The following PAPOLA variants were observed in gnomAD, a reference collection of about 807,000 sequenced individuals.
PAPOLA encodes polynucleotide adenylyltransferase alpha.
A neutral mutation model predicts 100.6 loss-of-function variants in PAPOLA; 15 were observed. The observed-to-expected ratio is 0.15, with a 90% CI of 0.10 to 0.23. The LOEUF (loss-of-function observed/expected upper bound fraction) is 0.23, where lower values mean the gene tolerates loss of function less well. PAPOLA is among the 10% of genes least tolerant of loss of function. The pLI, the probability that PAPOLA is intolerant of heterozygous loss-of-function variation, is 1.00. For missense variants in PAPOLA, 533 were observed against 884.2 expected, an observed-to-expected ratio of 0.60 and a Z score of 5.04; for synonymous variants, 293 against 300.0, an observed-to-expected ratio of 0.98 and a Z score of 0.24.
chr14:96,514,037 T>C (rs2077579068), intron 1 of PAPOLA, among the ~76,000 whole-genome samples: 1 of 152,210 alleles, frequency 6.6e-6, no homozygotes, highest in Non-Finnish European at 1.5e-5. Context: ...TCAAAGCCAT[T>C]TGAGTATTTC....
At chr14:96,547,760 T>A in intron 15 of PAPOLA, 37 bp from the exon 16 acceptor site, 1 of 1,532,968 alleles carries the variant, frequency 6.5e-7, no homozygotes, top group Non-Finnish European at 8.9e-7. Flanking sequence ...TTTATTAAAA[T>A]GTTTCTATTT....
intron 15 of PAPOLA, among the ~76,000 whole-genome samples, chr14:96,545,584 T>TC (rs1209805295): frequency 2.0e-5 from 3 of 152,090 alleles, no homozygotes; most frequent in Non-Finnish European, 4.4e-5. Flanking sequence ...TTTTAAATAC[T>TC]CCATTTTTTA....
At chr14:96,534,323 G>C (rs1899332114) in intron 9 of PAPOLA, 168 bp from the exon 10 acceptor site, 3 of 1,383,246 alleles carry the variant, frequency 2.2e-6, no homozygotes, top group Non-Finnish European at 2.8e-6. Flanking sequence ...ATAGTTAGGA[G>C]AAAAAGATTT....
chr14:96,540,097 T>G (rs761175221), intron 12 of PAPOLA, among the ~76,000 whole-genome samples: 5 of 152,158 alleles, frequency 3.3e-5, no homozygotes, highest in Admixed American at 6.5e-5. Context: ...AGTAAGAAGT[T>G]ATGTTGAACT....
chr14:96,540,971 G>A (rs1899934368), intron 12 of PAPOLA, among the ~76,000 whole-genome samples: 1 of 152,132 alleles, frequency 6.6e-6, no homozygotes, highest in Middle Eastern at 3.2e-3. Context: ...CTCACTGCAA[G>A]CTCCGCCTCC....
chr14:96,533,063 A>G, intron 9 of PAPOLA: 3 of 978,498 alleles, frequency 3.1e-6, no homozygotes, highest in Non-Finnish European at 3.6e-6. Flanking sequence ...TTCAGCATTT[A>G]TTTGGCCTAA....
intron 3 of PAPOLA, among the ~76,000 whole-genome samples, chr14:96,523,938 T>C (rs1442972281): frequency 6.7e-6 from 1 of 149,204 alleles, no homozygotes; most frequent in Non-Finnish European, 1.5e-5. Flanking sequence ...AGCGAGACTC[T>C]GTCTCAGAAA....
rs993869454 is a variant in PAPOLA at position 96,524,380 on chromosome 14, G to A, written c.250-930G>A. Among the ~76,000 whole-genome samples the A allele has an allele frequency of 5.9e-5, 9 of 152,076 alleles. No homozygotes were observed. In the East Asian group the frequency reaches 1.5e-3, roughly 26 times the overall value. On this transcript the variant is annotated intron_variant, in intron 3 of 21. Transcript: ENST00000216277. Reference sequence around the variant, plus strand: ...TTTCTGAGTAAGAAAAGAAAATTTAGTTGTTTCTAAATTACTTCACTAAAG... The same window carrying A: ...TTTCTGAGTAAGAAAAGAAAATTTAATTGTTTCTAAATTACTTCACTAAAG...
At chr14:96,517,210 G>A (rs1001768961) in intron 1 of PAPOLA, among the ~76,000 whole-genome samples, 1 of 152,094 alleles carries the variant, frequency 6.6e-6, no homozygotes. Flanking sequence ...CTTTACTTGC[G>A]TTAAAGTCAT....
chr14:96,544,774 G>T (rs1900254790), intron 15 of PAPOLA, among the ~76,000 whole-genome samples: 1 of 152,016 alleles, frequency 6.6e-6, no homozygotes, highest in South Asian at 2.1e-4. Flanking sequence ...GTGTCTAACT[G>T]CCTTCATCAT....
intron 7 of PAPOLA, 172 bp downstream of exon 7, chr14:96,531,758 ACT>A: frequency 6.8e-7 from 1 of 1,460,970 alleles, no homozygotes; most frequent in Non-Finnish European, 9.0e-7. Flanking sequence ...AGTTTATTTC[ACT>A]CTACAGTATT....
intron 1 of PAPOLA, among the ~76,000 whole-genome samples, chr14:96,517,385 G>A (rs915448482): frequency 1.3e-5 from 2 of 152,128 alleles, no homozygotes; most frequent in South Asian, 2.1e-4. Context: ...CTCAGGTTGC[G>A]TGCTCTTATG....
chr14:96,555,723 A>C (rs1901260682), intron 17 of PAPOLA, 124 bp from the exon 18 acceptor site: 1 of 501,100 alleles, frequency 2.0e-6, no homozygotes, highest in Non-Finnish European at 3.5e-6. Context: ...TATGTATAGG[A>C]AGTAAAACCA....
intron 1 of PAPOLA, chr14:96,502,856 A>G (rs374344863): frequency 2.4e-6 from 1 of 421,166 alleles, no homozygotes; most frequent in African/African-American, 2.1e-5. Flanking sequence ...CCCCTTCCGG[A>G]ATTGCTGGCG....
chr14:96,566,595 C>T lies in PAPOLA; in HGVS notation c.*1545C>T, dbSNP rs1383579059. ...TGAAGTTGGAGTGTAGTCTTTTCCCCCTTAGGCTATGCATTAATCGAAGCT... is the reference window on the plus strand; with the variant it reads ...TGAAGTTGGAGTGTAGTCTTTTCCCTCTTAGGCTATGCATTAATCGAAGCT... On this transcript the variant is annotated 3_prime_UTR_variant, in exon 22 of 22. Coordinates refer to ENST00000216277, the MANE Select transcript of PAPOLA (RefSeq NM_032632.5). 6.6e-6 allele frequency: 1 copy of T among 152,452 alleles called. No individual in the cohort carries two copies. The highest frequency in any genetic ancestry group is 1.5e-5 in the Non-Finnish European group (1 of 67,964). 9.4% of individuals were successfully genotyped at this position (152,452 alleles called of 1,614,324 possible).
intron 17 of PAPOLA, among the ~76,000 whole-genome samples, chr14:96,555,573 A>G (rs1901248059): frequency 6.6e-6 from 1 of 152,178 alleles, no homozygotes; most frequent in African/African-American, 2.4e-5. Flanking sequence ...CTATGTTTTA[A>G]TAGTGGCTAC....
intron 6 of PAPOLA, among the ~76,000 whole-genome samples, chr14:96,529,464 T>A (rs1898794995): frequency 6.6e-6 from 1 of 151,858 alleles, no homozygotes; most frequent in South Asian, 2.1e-4. Flanking sequence ...GGCTCATGCC[T>A]GTAATCCCAG....
chr14:96,502,884 G>C (rs1253350899), intron 1 of PAPOLA: 3 of 405,222 alleles, frequency 7.4e-6, no homozygotes, highest in Non-Finnish European at 1.3e-5. Context: ...TAACTCGCCC[G>C]GCCACTCCAG....
intron 15 of PAPOLA, among the ~76,000 whole-genome samples, chr14:96,546,571 G>A (rs8013517): frequency 0.26 from 39,196 of 151,942 alleles, 5,560 homozygotes; most frequent in African/African-American, 0.39. Flanking sequence ...GGAGCCAGAA[G>A]GGTAATAAAG....
Sources: gnomAD v4.1 joint callset for allele counts (sites outside exome capture counted in the v4.1 genomes callset) on GRCh38, gnomAD v4.1.1 for gene constraint, MANE v1.5 for transcripts, NCBI Gene and HGNC (gene_info 2026-07-23, HGNC 2026-07-21) for gene names.